The following FSTL5 variants were observed in gnomAD, a reference collection of about 807,000 sequenced individuals.
The protein encoded by FSTL5 is follistatin-related protein 5.
In FSTL5, 62 loss-of-function variants were observed where a neutral mutation model predicts 89.1. The observed-to-expected ratio is 0.70, with a 90% CI of 0.57 to 0.86. The LOEUF (loss-of-function observed/expected upper bound fraction) is 0.86. FSTL5 is among the 40% of genes least tolerant of loss of function. The pLI, the probability that FSTL5 is intolerant of heterozygous loss-of-function variation, is 0.00. For synonymous variants in FSTL5, 383 were observed against 346.2 expected, an observed-to-expected ratio of 1.11 and a Z score of -1.18; for missense variants, 1,057 against 1,001.6, an observed-to-expected ratio of 1.06 and a Z score of -0.75.
chr4:161,862,008 C>T (rs887348111), intron 4 of FSTL5, among the ~76,000 whole-genome samples: 1 of 152,124 alleles, frequency 6.6e-6, no homozygotes, highest in Non-Finnish European at 1.5e-5. Context: ...TTGGGAGAAA[C>T]TGTAATATTG....
At chr4:161,809,179 A>G (rs1730066219) in intron 4 of FSTL5, among the ~76,000 whole-genome samples, 1 of 152,194 alleles carries the variant, frequency 6.6e-6, no homozygotes, top group African/African-American at 2.4e-5. Flanking sequence ...TGATGGCGCC[A>G]CTTCACTCCA....
intron 14 of FSTL5, among the ~76,000 whole-genome samples, chr4:161,456,635 G>A: frequency 6.6e-6 from 1 of 152,158 alleles, no homozygotes; most frequent in East Asian, 1.9e-4. Flanking sequence ...TTTCTCCAAA[G>A]GAAGCATATC....
chr4:161,714,036 A>T (rs1253117468), intron 6 of FSTL5, among the ~76,000 whole-genome samples: 2 of 152,126 alleles, frequency 1.3e-5, no homozygotes, highest in African/African-American at 4.8e-5. Context: ...AAACAATCTC[A>T]TTGTTTTAAA....
intron 1 of FSTL5, among the ~76,000 whole-genome samples, chr4:162,131,922 T>C (rs916206164): frequency 6.6e-6 from 1 of 152,210 alleles, no homozygotes; most frequent in East Asian, 1.9e-4. Context: ...ACCAAAGATA[T>C]TCTGATTCTA....
chr4:162,063,767 G>T (rs1260482866), intron 2 of FSTL5, among the ~76,000 whole-genome samples: 1 of 151,824 alleles, frequency 6.6e-6, no homozygotes, highest in Non-Finnish European at 1.5e-5. Flanking sequence ...TGACAATAAT[G>T]CTTCTTCAGG....
At chr4:162,124,032 A>C (rs1178385215) in intron 1 of FSTL5, among the ~76,000 whole-genome samples, 2 of 152,200 alleles carry the variant, frequency 1.3e-5, no homozygotes, top group African/African-American at 4.8e-5. Flanking sequence ...TAATCTAGGT[A>C]GAGTATTCAG....
intron 12 of FSTL5, among the ~76,000 whole-genome samples, chr4:161,487,326 T>A (rs1729713859): frequency 6.6e-6 from 1 of 152,176 alleles, no homozygotes; most frequent in Admixed American, 6.6e-5. Context: ...TGCAGAATCA[T>A]TGAGAAACTG....
intron 1 of FSTL5, among the ~76,000 whole-genome samples, chr4:162,117,699 T>C (rs1398075033): frequency 6.6e-6 from 1 of 152,216 alleles, no homozygotes; most frequent in African/African-American, 2.4e-5. Context: ...CTCCTCATCA[T>C]CTGAATTGCT....
At chr4:161,853,523 C>T (rs2126883180) in intron 4 of FSTL5, among the ~76,000 whole-genome samples, 1 of 151,782 alleles carries the variant, frequency 6.6e-6, no homozygotes, top group African/African-American at 2.4e-5. Context: ...CTGCCTCGGC[C>T]TCCCTCGGCC....
chr4:161,842,441 T>C (rs189981365), intron 4 of FSTL5, among the ~76,000 whole-genome samples: 25 of 152,306 alleles, frequency 1.6e-4, no homozygotes, highest in Middle Eastern at 3.4e-3. Flanking sequence ...GGTATCTCTT[T>C]ATATGTGATA....
At chr4:161,912,782 A>T (rs1233098107) in intron 4 of FSTL5, among the ~76,000 whole-genome samples, 2 of 152,158 alleles carry the variant, frequency 1.3e-5, no homozygotes, top group African/African-American at 4.8e-5. Flanking sequence ...AAGACAGGAA[A>T]AGGTGGGAAA....
chr4:161,972,378 T>G (rs1735508921), intron 3 of FSTL5, among the ~76,000 whole-genome samples: 1 of 152,162 alleles, frequency 6.6e-6, no homozygotes, highest in Non-Finnish European at 1.5e-5. Context: ...CGCCCCGACA[T>G]GATTCTTTAA....
At chr4:161,467,560 T>C (rs1733789202) in intron 13 of FSTL5, among the ~76,000 whole-genome samples, 1 of 152,186 alleles carries the variant, frequency 6.6e-6, no homozygotes, top group South Asian at 2.1e-4. Context: ...CTGACCATTT[T>C]ACATGTTGTT....
intron 4 of FSTL5, among the ~76,000 whole-genome samples, chr4:161,790,071 T>C (rs960342508): frequency 6.6e-6 from 1 of 152,186 alleles, no homozygotes; most frequent in African/African-American, 2.4e-5. Context: ...TGCAACATCC[T>C]CTCAAGGAGA....
chr4:161,647,123 T>G (rs532092537), intron 7 of FSTL5, among the ~76,000 whole-genome samples: 1 of 152,356 alleles, frequency 6.6e-6, no homozygotes, highest in Admixed American at 6.5e-5. Context: ...TTAGGAATTT[T>G]ACAGTGACAG....
At chr4:161,726,910 AAAAT>A (rs3077034) in intron 6 of FSTL5, among the ~76,000 whole-genome samples, 74,950 of 143,284 alleles carry the variant, frequency 0.52, 23,181 homozygotes, top group Non-Finnish European at 0.7. Context: ...GCAAAAAAAA[AAAAT>A]ATATATATAT....
chr4:161,489,008 T>C (rs1200720262), intron 12 of FSTL5, among the ~76,000 whole-genome samples: 2 of 152,164 alleles, frequency 1.3e-5, no homozygotes, highest in African/African-American at 4.8e-5. Context: ...CAGAGGTTTG[T>C]CAATTTTTTT....
At chr4:162,033,802 A>G (rs1737628884) in intron 2 of FSTL5, 144 bp from the exon 3 acceptor site, 2 of 534,838 alleles carry the variant, frequency 3.7e-6, no homozygotes, top group East Asian at 6.6e-5. Context: ...AAATATTTAC[A>G]TATAATTTTT....
At chr4:162,048,043 C>T (rs554667172) in intron 2 of FSTL5, among the ~76,000 whole-genome samples, 54 of 152,032 alleles carry the variant, frequency 3.6e-4, no homozygotes, top group Non-Finnish European at 5.9e-4. Context: ...AAGCCTATTC[C>T]CAGCCAGGTG....
Sources: allele counts gnomAD v4.1 joint callset (sites outside exome capture counted in the v4.1 genomes callset), GRCh38; gene constraint gnomAD v4.1.1; transcripts MANE v1.5; gene names NCBI Gene and HGNC (gene_info 2026-07-23, HGNC 2026-07-21).